Variants in STRC observed in about 807,000 individuals in gnomAD.
STRC encodes the protein stereocilin.
In STRC, 43 loss-of-function variants were observed where a neutral mutation model predicts 103.5. The observed-to-expected ratio is 0.42, with a 90% CI of 0.33 to 0.54. The LOEUF (loss-of-function observed/expected upper bound fraction) is 0.54. Among genes scored for constraint, STRC ranks in the 20% least tolerant of loss-of-function variants. The pLI is 0.14. For synonymous variants in STRC, 186 were observed against 442.3 expected (o/e 0.42, Z 7.27); for missense variants, 499 against 1,088.5 (o/e 0.46, Z 7.62).
chr15:43,607,948 G>A lies in STRC; in HGVS notation c.3709C>T (p.Arg1237Trp), dbSNP rs141745804. 1.2e-5 allele frequency: 19 copies of A among 1,609,130 alleles called. No homozygotes were observed. Among genetic ancestry groups the A allele is most frequent in the African/African-American group, 1.1e-4 (8 of 71,680 alleles). ...LRACIWAELQRRMAMPEPEWT... is the reference protein window; with the variant it reads ...LRACIWAELQWRMAMPEPEWT... ...TCTGGTTCTGGCATTGCCATCCTCC[G>A]CTGTAGCTCTGCCCAGATACAGGCC... is the stretch of plus-strand genomic sequence containing the variant. Residue 1237 changes from arginine (R) to tryptophan (W), a missense_variant, in exon 18 of 29, where the codon CGG becomes TGG. Arg to Trp is a moderately radical substitution (Grantham distance 101). Coordinates refer to ENST00000450892, the MANE Select transcript of STRC (RefSeq NM_153700.2).
intron 23 of STRC, 94 bp downstream of exon 23, chr15:43,603,148 C>T: frequency 7.3e-7 from 1 of 1,377,338 alleles, no homozygotes; most frequent in African/African-American, 1.4e-5. Flanking sequence ...CTTGCTTCCC[C>T]CACCTCTCAT....
chr15:43,604,201 C>A (rs753836682), intron 21 of STRC, 49 bp from the exon 22 acceptor site: 8 of 1,606,446 alleles, frequency 5.0e-6, no homozygotes, highest in Non-Finnish European at 6.8e-6. Flanking sequence ...CAGATCAGGA[C>A]CTGCTGCTAT....
At chr15:43,609,403 G>A in intron 15 of STRC, 69 bp from the exon 16 acceptor site, 3 of 1,493,524 alleles carry the variant, frequency 2.0e-6, no homozygotes, top group Non-Finnish European at 2.8e-6. Context: ...CTAGAGTGGA[G>A]AGGCAGGACT....
At chr15:43,600,815 C>T (rs2085660173) in intron 25 of STRC, 57 bp downstream of exon 25, 3 of 1,613,598 alleles carry the variant, frequency 1.9e-6, no homozygotes, top group Non-Finnish European at 2.5e-6. Context: ...ATCCTTCTTT[C>T]CCCAGTAAGT....
intron 16 of STRC, among the ~76,000 whole-genome samples, chr15:43,608,674 C>T (rs1340823107): frequency 1.0e-4 from 13 of 129,054 alleles, no homozygotes; most frequent in Non-Finnish European, 9.8e-5. Flanking sequence ...TGCAGTGAGC[C>T]GAAATCGCGC....
chr15:43,616,908 C>G (rs1307744296), intron 3 of STRC, among the ~76,000 whole-genome samples: 1 of 152,248 alleles, frequency 6.6e-6, no homozygotes, highest in Non-Finnish European at 1.5e-5. Flanking sequence ...AGGAGAAGCC[C>G]CAGTTGGAAT....
At chr15:43,602,801 T>C (rs374272892) in intron 23 of STRC, among the ~76,000 whole-genome samples, 16 of 151,630 alleles carry the variant, frequency 1.1e-4, no homozygotes, top group East Asian at 5.8e-4. Context: ...TGCACCACCA[T>C]GCCCGGCTAA....
Position 43,600,816 on chromosome 15 carries a change from C to T in STRC, c.4844+56G>A, listed in dbSNP as rs1425401483. On this transcript the variant is annotated intron_variant, in intron 25 of 28. Coordinates refer to ENST00000450892, the MANE Select transcript of STRC (RefSeq NM_153700.2). ...ACCAGACCTTCATGATCCTTCTTTCCCCAGTAAGTCCACCTTTACCTCAGC... is the reference window on the plus strand; with the variant it reads ...ACCAGACCTTCATGATCCTTCTTTCTCCAGTAAGTCCACCTTTACCTCAGC... The T allele has an allele frequency of 2.5e-6, 4 of 1,613,468 alleles. No homozygotes were observed. The South Asian group carries it at 4.4e-5, about 18-fold the overall frequency.
At chr15:43,602,115 C>G (rs1391313240) in intron 23 of STRC, among the ~76,000 whole-genome samples, 2 of 104,732 alleles carry the variant, frequency 1.9e-5, no homozygotes, top group East Asian at 3.4e-4. Context: ...GAGTGAGACT[C>G]TGTCTCAAAA....
In STRC at chr15:43,604,650, C is replaced by T. The variant is rs760377370; in HGVS notation, c.4127G>A (p.Gly1376Glu). The change falls in exon 20 of 29, where the codon GGG (glycine) becomes GAG (glutamate). Residue 1376 changes from glycine to glutamate, a missense_variant and splice_region_variant. Transcript: ENST00000450892. ...GWLLLQESVL[G>E]KPELWSQDEV... ...ATCTGAAGTTCTCGAAGGTCCATAC[C>T]CAAGAACAGACTCCTGCAATAGCAG... is the stretch of plus-strand genomic sequence containing the variant. 6.2e-7 allele frequency: 1 copy of T among 1,613,532 alleles called. No homozygotes were observed. The highest frequency in any genetic ancestry group is 8.5e-7 in the Non-Finnish European group (1 of 1,179,738).
intron 18 of STRC, among the ~76,000 whole-genome samples, chr15:43,607,121 G>C (rs2085716379): frequency 6.9e-6 from 1 of 144,494 alleles, no homozygotes; most frequent in Non-Finnish European, 1.5e-5. Context: ...CTGACTTACA[G>C]TGCGGATGGC....
intron 13 of STRC, 55 bp from the exon 14 acceptor site, chr15:43,611,039 T>C (rs2085744653): frequency 6.2e-7 from 1 of 1,606,308 alleles, no homozygotes; most frequent in South Asian, 1.1e-5. Flanking sequence ...TGTGTGTGTG[T>C]AAGTGGGGAG....
At chr15:43,604,961 C>G (rs1201453974) in intron 19 of STRC, 115 bp from the exon 20 acceptor site, 2 of 1,450,108 alleles carry the variant, frequency 1.4e-6, no homozygotes, top group African/African-American at 1.4e-5. Context: ...GCTCAGCACC[C>G]TATGATGCTC....
intron 23 of STRC, 79 bp downstream of exon 23, chr15:43,603,163 C>T (rs1424961319): frequency 6.7e-7 from 1 of 1,500,578 alleles, no homozygotes; most frequent in Non-Finnish European, 9.3e-7. Context: ...TCTCATCCAA[C>T]TCTCCATTCT....
chr15:43,609,339 A>G lies in STRC; in HGVS notation c.3499-5T>C. The G allele has an allele frequency of 6.2e-7, 1 of 1,607,490 alleles. No homozygotes were observed. The highest frequency in any genetic ancestry group is 8.5e-7 in the Non-Finnish European group (1 of 1,178,158). On this transcript the variant is annotated splice_polypyrimidine_tract_variant and splice_region_variant and intron_variant, in intron 15 of 28. Coordinates refer to ENST00000450892, the MANE Select transcript of STRC (RefSeq NM_153700.2). ...CTTCTTCCAGAGAAACTGTGCCTAC[A>G]AGAGAAAGAAAGACGAGCCCCTTCC...
In STRC at chr15:43,603,380, C is replaced by G; in HGVS notation, c.4407G>C (p.Gly1469=). 1 of 1,613,712 alleles carries G rather than the reference C, an allele frequency of 6.2e-7. No homozygotes were observed. Among genetic ancestry groups the G allele is most frequent in the Non-Finnish European group, 8.5e-7 (1 of 1,179,882 alleles). Residue 1469 remains glycine, a synonymous_variant, in exon 23 of 29, where the codon GGG becomes GGC. Coordinates refer to ENST00000450892, the MANE Select transcript of STRC (RefSeq NM_153700.2). ...EPVPNCADVR[G]TFPAAWSATQ... Reference sequence around the variant, plus strand: ...TTGCAGACCAGGCTGCTGGGAATGTCCCTCGTACATCTGCACAATTTGGCA... The same window carrying G: ...TTGCAGACCAGGCTGCTGGGAATGTGCCTCGTACATCTGCACAATTTGGCA...
Position 43,608,052 on chromosome 15 carries a change from C to T in STRC, c.3681+28G>A, listed in dbSNP as rs773826253. 3.1e-5 allele frequency: 50 copies of T among 1,610,726 alleles called. 1 individual carries two copies. In the Admixed American group the frequency reaches 6.7e-4, roughly 22 times the overall value. On this transcript the variant is annotated intron_variant, in intron 17 of 28. Coordinates refer to ENST00000450892, the MANE Select transcript of STRC (RefSeq NM_153700.2). ...ACCTAGGGTCCCAGCCTCCCTGCTC[C>T]CACTAAAGTCCAGGCACCCCCTCTC...
intron 18 of STRC, 82 bp from the exon 19 acceptor site, chr15:43,605,481 A>G: frequency 6.5e-7 from 1 of 1,549,518 alleles, no homozygotes; most frequent in Non-Finnish European, 8.7e-7. Flanking sequence ...CACAGTCCGC[A>G]GCTAAGATGT....
Position 43,603,235 on chromosome 15 carries a change from C to G in STRC, c.4545+7G>C. 1 of 1,613,288 alleles carries G rather than the reference C, an allele frequency of 6.2e-7. No individual in the cohort carries two copies. Among genetic ancestry groups the G allele is most frequent in the Non-Finnish European group, 8.5e-7 (1 of 1,179,660 alleles). The stretch of plus-strand genomic sequence containing the variant: ...TGGCCAACCCCAGTTGGCTCTCCAT[C>G]CCTAACCTGTTTTGCTTTGCCCATG... On this transcript the variant is annotated splice_region_variant and intron_variant, in intron 23 of 28. Coordinates refer to ENST00000450892, the MANE Select transcript of STRC (RefSeq NM_153700.2).
Sources: gnomAD v4.1 joint callset for allele counts (sites outside exome capture counted in the v4.1 genomes callset) on GRCh38, gnomAD v4.1.1 for gene constraint, MANE v1.5 for transcripts, NCBI Gene and HGNC (gene_info 2026-07-23, HGNC 2026-07-21) for gene names.